The following AR variants were observed in gnomAD, a reference collection of about 807,000 sequenced individuals.
The protein encoded by AR is dihydrotestosterone receptor.
A neutral mutation model predicts 53.9 loss-of-function variants in AR; 8 were observed. The ratio of observed to expected loss-of-function variants is 0.15; its 90% CI spans 0.09 to 0.27. AR has a LOEUF of 0.27. Among genes scored for constraint, AR ranks in the 10% least tolerant of loss-of-function variants. AR has a pLI of 1.00. For missense variants in AR, 639 were observed against 742.5 expected (o/e 0.86, Z 1.62); for synonymous variants, 359 against 316.4 (o/e 1.13, Z -1.43).
intron 3 of AR, among the ~76,000 whole-genome samples, chrX:67,709,402 A>G (rs2076083852): frequency 8.9e-6 from 1 of 112,350 alleles, no homozygotes; most frequent in South Asian, 3.7e-4. Context: ...CTCTGCTAGC[A>G]GTGAGCGATG....
intron 1 of AR, among the ~76,000 whole-genome samples, chrX:67,621,627 T>A (rs1033554134): frequency 3.6e-5 from 4 of 110,942 alleles, no homozygotes; most frequent in African/African-American, 1.3e-4. Context: ...TCTGTTCCTG[T>A]GTTAGTTTGC....
intron 1 of AR, among the ~76,000 whole-genome samples, chrX:67,631,047 A>T (rs1341376726): frequency 3.6e-5 from 4 of 110,926 alleles, no homozygotes; most frequent in Non-Finnish European, 7.6e-5. Flanking sequence ...GGGTAACCTG[A>T]CCTTTCTCTC....
At position 67,568,720 on chromosome X, in the gene AR, T is replaced by C. The variant is rs1921666077; in HGVS notation, c.1616+21958T>C. The C allele has an allele frequency of 1.0e-5, 3 of 299,229 alleles. No homozygotes were observed. In the South Asian group the frequency reaches 5.1e-4, roughly 51 times the overall value. 24.7% of individuals were successfully genotyped at this position (299,229 alleles called of 1,213,427 possible). On this transcript the variant is annotated intron_variant, in intron 1 of 7. Transcript: ENST00000374690. ...TCTTGGCAATTAACAAGGCAGTAATTGGCATCAGGAGGGTATGTTAGTTTG... is the reference window on the plus strand; with the variant it reads ...TCTTGGCAATTAACAAGGCAGTAATCGGCATCAGGAGGGTATGTTAGTTTG...
At chrX:67,564,982 A>G (rs1921491104) in intron 1 of AR, among the ~76,000 whole-genome samples, 1 of 111,363 alleles carries the variant, frequency 9.0e-6, no homozygotes, top group Admixed American at 9.5e-5. Context: ...ACCCTGTTCC[A>G]CAGACCCCAA....
intron 1 of AR, among the ~76,000 whole-genome samples, chrX:67,640,787 TAAC>T (rs1272264880): frequency 9.0e-6 from 1 of 111,384 alleles, no homozygotes; most frequent in African/African-American, 3.3e-5. Flanking sequence ...TATCTAATAA[TAAC>T]CATCATTATC....
chrX:67,650,963 A>T (rs1444633408), intron 2 of AR, among the ~76,000 whole-genome samples: 1 of 111,688 alleles, frequency 9.0e-6, no homozygotes, highest in Non-Finnish European at 1.9e-5. Context: ...TGCTTACTAC[A>T]TATAGGGTAT....
Position 67,660,100 on chromosome X carries a change from G to C in AR, c.1768+16693G>C, listed in dbSNP as rs748377833. Among the ~76,000 whole-genome samples, 145 of 111,817 alleles carry C rather than the reference G, an allele frequency of 1.3e-3. 2 individuals carry two copies. Among genetic ancestry groups the C allele is most frequent in the African/African-American group, 4.5e-3 (137 of 30,781 alleles). ...TGTAAATTTGTTTGAGTTCTTTGTA[G>C]ATTCTGGATATTACCCTTTGTCAGA... On this transcript the variant is annotated intron_variant, in intron 2 of 7. Coordinates refer to ENST00000374690, the MANE Select transcript of AR (RefSeq NM_000044.6).
chrX:67,598,306 G>A (rs1229084048), intron 1 of AR, among the ~76,000 whole-genome samples: 3 of 102,071 alleles, frequency 2.9e-5, no homozygotes, highest in South Asian at 4.7e-4. Flanking sequence ...TTTTTGAGAC[G>A]GAGTCTTGCT....
rs185349970 is a variant in AR, at chrX:67,627,551, G to A, written c.1617-15705G>A. Among the ~76,000 whole-genome samples the A allele has an allele frequency of 8.1e-5, 9 of 111,239 alleles. No individual in the cohort carries two copies. In the East Asian group the frequency reaches 8.6e-4, roughly 11 times the overall value. Reference sequence around the variant, plus strand: ...TATTAGCCCTTTGTCAGATGAGTACGTTGCGAAAATTTTCTCTCATTTTGT... The same window carrying A: ...TATTAGCCCTTTGTCAGATGAGTACATTGCGAAAATTTTCTCTCATTTTGT... On this transcript the variant is annotated intron_variant, in intron 1 of 7. Coordinates refer to ENST00000374690, the MANE Select transcript of AR (RefSeq NM_000044.6).
At chrX:67,630,190 C>T (rs1198470602) in intron 1 of AR, among the ~76,000 whole-genome samples, 2 of 110,494 alleles carry the variant, frequency 1.8e-5, no homozygotes, top group Non-Finnish European at 3.8e-5. Flanking sequence ...TCCTGGGTAT[C>T]CTTGTTAACT....
At position 67,727,421 on chromosome X, in the gene AR, C is replaced by T. The variant is rs771847094; in HGVS notation, c.*3580C>T. 1.8e-5 allele frequency: 3 copies of T among 170,023 alleles called. No individual in the cohort carries two copies. Among genetic ancestry groups the T allele is most frequent in the Non-Finnish European group, 3.4e-5 (3 of 88,772 alleles). The allele number at this position is 170,023 out of a possible 1,213,427, so 14.0% of individuals were successfully genotyped here. A position where few individuals can be genotyped will look rare whatever the true frequency, so the allele number is the denominator to read the frequency against. On this transcript the variant is annotated 3_prime_UTR_variant, in exon 8 of 8. Coordinates refer to ENST00000374690, the MANE Select transcript of AR (RefSeq NM_000044.6). ...ATGCTAGAGTCCCTCTCTGTCCATA[C>T]TCTACTTCTAAATACATATAGGCAT...
At chrX:67,667,910 T>C (rs1472555038) in intron 2 of AR, among the ~76,000 whole-genome samples, 1 of 112,042 alleles carries the variant, frequency 8.9e-6, no homozygotes, top group African/African-American at 3.2e-5. Flanking sequence ...TATGTGATGA[T>C]TTTGTATCCC....
rs142280455 is a variant in AR at position 67,686,033 on chromosome X, A to G, written c.1792A>G (p.Ser598Gly). 429 of 1,208,624 alleles carry G rather than the reference A, an allele frequency of 3.5e-4. No homozygotes were observed. Among genetic ancestry groups the G allele is most frequent in the Non-Finnish European group, 4.5e-4 (401 of 893,787 alleles). ...AGGGAAACAGAAGTACCTGTGCGCC[A>G]GCAGAAATGATTGCACTATTGATAA... ...AEGKQKYLCA[S>G]RNDCTIDKFR... Residue 598 changes from serine to glycine, a missense_variant, in exon 3 of 8, where the codon AGC becomes GGC. By Grantham distance (56) the Ser-to-Gly change is moderately conservative. Coordinates refer to ENST00000374690, the MANE Select transcript of AR (RefSeq NM_000044.6).
chrX:67,562,356 A>ATG (rs756124629), intron 1 of AR, among the ~76,000 whole-genome samples: 4,458 of 94,935 alleles, frequency 0.047, 80 homozygotes, highest in Middle Eastern at 0.069. Context: ...TATGGTGTAT[A>ATG]TGTGTGTGTG....
intron 1 of AR, among the ~76,000 whole-genome samples, chrX:67,628,895 CAT>C (rs1410371708): frequency 2.7e-5 from 3 of 111,386 alleles, no homozygotes; most frequent in Non-Finnish European, 5.7e-5. Flanking sequence ...TTGAGATAAT[CAT>C]GTGGTTTTTG....
chrX:67,639,785 G>A (rs1167040344), intron 1 of AR, among the ~76,000 whole-genome samples: 1 of 111,339 alleles, frequency 9.0e-6, no homozygotes, highest in Non-Finnish European at 1.9e-5. Flanking sequence ...TTGACTTCCT[G>A]TTTTCCTATT....
intron 1 of AR, among the ~76,000 whole-genome samples, chrX:67,591,207 C>T (rs944679445): frequency 9.0e-6 from 1 of 111,048 alleles, no homozygotes; most frequent in Non-Finnish European, 1.9e-5. Flanking sequence ...CCTAGAAAAG[C>T]GACCTGTCAA....
chrX:67,616,074 T>C (rs1311471797), intron 1 of AR, among the ~76,000 whole-genome samples: 1 of 111,561 alleles, frequency 9.0e-6, no homozygotes, highest in Non-Finnish European at 1.9e-5. Context: ...ATAAATATGA[T>C]GTCGATTCTG....
At chrX:67,669,893 A>G (rs2075852532) in intron 2 of AR, among the ~76,000 whole-genome samples, 1 of 109,415 alleles carries the variant, frequency 9.1e-6, no homozygotes, top group Admixed American at 9.9e-5. Flanking sequence ...TGCATGAAAT[A>G]TCTTTTTCAT....
Sources: allele counts gnomAD v4.1 joint callset (sites outside exome capture counted in the v4.1 genomes callset), GRCh38; gene constraint gnomAD v4.1.1; transcripts MANE v1.5; gene names NCBI Gene and HGNC (gene_info 2026-07-23, HGNC 2026-07-21).